Variants in HSPB7 observed in about 807,000 individuals in gnomAD.
The protein encoded by HSPB7 is heat shock protein beta-7.
A neutral mutation model predicts 11.0 loss-of-function variants in HSPB7; 9 were observed. The observed-to-expected ratio is 0.82, with a 90% confidence interval of 0.49 to 1.43. HSPB7 has a LOEUF of 1.43. HSPB7 is among the 40% of genes most tolerant of loss of function. The probability of loss-of-function intolerance (pLI) is 0.00; values close to 1 mark genes in which losing one functional copy is unlikely to be tolerated. For synonymous variants in HSPB7, 102 were observed against 101.6 expected (o/e 1.00, Z -0.02); for missense variants, 246 against 243.9 (o/e 1.01, Z -0.06).
chr1:16,018,764 A>G, upstream of HSPB7: 1 of 1,080,884 alleles, frequency 9.3e-7, no homozygotes, highest in South Asian at 3.3e-5. Flanking sequence ...CGAGCGCCTT[A>G]GGTGGGATTT....
chr1:16,017,340 C>T (rs1763596), intron 1 of HSPB7, 133 bp from the exon 2 acceptor site: 715,777 of 1,208,626 alleles, frequency 0.59, 214,477 homozygotes, highest in East Asian at 0.73. Context: ...TCTCCCTAAG[C>T]TCCTCCTCAT....
chr1:16,014,249 GACGAA>G lies in HSPB7; in HGVS notation c.*1326_*1330del, dbSNP rs1368380033. On this transcript the variant is annotated 3_prime_UTR_variant, in exon 3 of 3. Transcript: ENST00000311890. ...CTCCACCCTGCTTCTGTATGTGGGAGACGAAACCAAGAGTCATTGGGGGCAGCAGG... is the reference window on the plus strand; with the variant it reads ...CTCCACCCTGCTTCTGTATGTGGGAGACCAAGAGTCATTGGGGGCAGCAGG... 2.6e-5 allele frequency: 4 copies of G among 152,348 alleles called. No homozygotes were observed. Among genetic ancestry groups the G allele is most frequent in the African/African-American group, 9.7e-5 (4 of 41,444 alleles). 9.4% of individuals were successfully genotyped at this position (152,348 alleles called of 1,614,324 possible). A position where few individuals can be genotyped will look rare whatever the true frequency, so the allele number is the denominator to read the frequency against.
At chr1:16,017,418 C>T (rs1004743187) in intron 1 of HSPB7, 6 of 633,118 alleles carry the variant, frequency 9.5e-6, no homozygotes, top group African/African-American at 9.2e-5. Context: ...GTATATGAGG[C>T]TAGGTCTGTA....
At position 16,015,355 on chromosome 1, in the gene HSPB7, G is replaced by A. The variant is rs975556944; in HGVS notation, c.*225C>T. 1.8e-5 allele frequency: 10 copies of A among 547,370 alleles called. No individual in the cohort carries two copies. Among genetic ancestry groups the A allele is most frequent in the Non-Finnish European group, 2.3e-5 (7 of 306,548 alleles). 33.9% of individuals were successfully genotyped at this position (547,370 alleles called of 1,614,324 possible). ...GCCCCTGTACTCTGGATTAAGTGAC[G>A]GAGGCCAAATCTGAAATCTGGGCAT... On this transcript the variant is annotated 3_prime_UTR_variant, in exon 3 of 3. Coordinates refer to ENST00000311890, the MANE Select transcript of HSPB7 (RefSeq NM_014424.5). The surrounding 1 kb of genome is among the most constrained non-coding windows in gnomAD (Gnocchi z 4.9).
At chr1:16,018,620 G>A (rs879557184), upstream of HSPB7, 9 of 1,039,608 alleles carry the variant, frequency 8.7e-6, no homozygotes, top group Non-Finnish European at 1.0e-5. Flanking sequence ...TGGATTCTGT[G>A]CCTGCACTCC....
upstream of HSPB7, chr1:16,019,459 T>C: frequency 6.5e-7 from 1 of 1,548,986 alleles, no homozygotes; most frequent in Non-Finnish European, 8.7e-7. Context: ...AGGGTTCACC[T>C]GTCTCCCCAT....
In HSPB7 at chr1:16,017,058, G is replaced by A. The variant is rs2021781789; in HGVS notation, c.333+16C>T. The A allele has an allele frequency of 5.0e-6, 8 of 1,601,206 alleles. No individual in the cohort carries two copies. The highest frequency in any genetic ancestry group is 6.0e-6 in the Non-Finnish European group (7 of 1,169,330). On this transcript the variant is annotated intron_variant, in intron 2 of 2. Transcript: ENST00000311890. ...GCAGAATTTGGGATGCGGTGAGTAG[G>A]GGGTGGGGGGCTCACCTTCTCAGCC...
At chr1:16,016,022 A>G (rs966619753) in intron 2 of HSPB7, among the ~76,000 whole-genome samples, 4 of 152,184 alleles carry the variant, frequency 2.6e-5, no homozygotes, top group Non-Finnish European at 4.4e-5. Context: ...TTGGAGAGAG[A>G]GGAGGCTCCG....
upstream of HSPB7, chr1:16,018,186 C>A (rs1324496448): frequency 2.0e-6 from 3 of 1,519,872 alleles, no homozygotes; most frequent in Non-Finnish European, 1.8e-6. Flanking sequence ...CTGCTGACAG[C>A]CCGACACGCA....
upstream of HSPB7, chr1:16,018,064 G>A (rs747468368): frequency 4.0e-5 from 63 of 1,592,068 alleles, no homozygotes; most frequent in East Asian, 4.6e-5. Context: ...GACTGCGGCC[G>A]CTTTATAAGG....
Position 16,017,199 on chromosome 1 carries a change from C to G in HSPB7, c.208G>C (p.Gly70Arg). ...AGGGTCTTGATGTTGCCTGCCCCAC[C>G]GGGGCGGGCTGTGGGATGGGCTGCT... The part of the protein sequence containing the change: ...SEPLAFPARP[G>R]GAGNIKTLGD... The change falls in exon 2 of 3, where the codon GGT becomes CGT. Residue 70 changes from glycine (G) to arginine (R), a missense_variant. By Grantham distance (125) the Gly-to-Arg change is moderately radical (BLOSUM62 -2). Transcript: ENST00000311890. 6.2e-7 allele frequency: 1 copy of G among 1,612,884 alleles called. No individual in the cohort carries two copies. Among genetic ancestry groups the G allele is most frequent in the Non-Finnish European group, 8.5e-7 (1 of 1,179,080 alleles).
chr1:16,017,189 C>T lies in HSPB7; in HGVS notation c.218G>A (p.Gly73Asp). 4 of 1,613,312 alleles carry T rather than the reference C, an allele frequency of 2.5e-6. No homozygotes were observed. The highest frequency in any genetic ancestry group is 3.4e-6 in the Non-Finnish European group (4 of 1,179,360). Residue 73 changes from glycine to aspartate, a missense_variant, in exon 2 of 3, where the codon GGC (glycine) becomes GAC (aspartate). Coordinates refer to ENST00000311890, the MANE Select transcript of HSPB7 (RefSeq NM_014424.5). ...GGCGTCTCCTAGGGTCTTGATGTTG[C>T]CTGCCCCACCGGGGCGGGCTGTGGG... The part of the protein sequence containing the change: ...LAFPARPGGA[G>D]NIKTLGDAYE...
At chr1:16,019,133 C>A, upstream of HSPB7, 1 of 1,547,700 alleles carries the variant, frequency 6.5e-7, no homozygotes, top group Non-Finnish European at 8.7e-7. Context: ...CTGGGACTGA[C>A]CTTGCCCTGG....
chr1:16,017,287 G>T, intron 1 of HSPB7, 80 bp from the exon 2 acceptor site: 2 of 1,556,766 alleles, frequency 1.3e-6, no homozygotes, highest in Non-Finnish European at 1.7e-6. Flanking sequence ...TTCTCTTGGG[G>T]CAAGGGGCGG....
upstream of HSPB7, chr1:16,018,482 C>G (rs560116320): frequency 1.8e-6 from 2 of 1,119,614 alleles, no homozygotes; most frequent in Non-Finnish European, 1.1e-6. Flanking sequence ...GAAGCACCAC[C>G]GCTCTGTGAC....
At chr1:16,018,448 G>A (rs796607767), upstream of HSPB7, 4 of 1,153,362 alleles carry the variant, frequency 3.5e-6, no homozygotes, top group South Asian at 7.1e-5. Context: ...TCAGTGTGCA[G>A]GCTCCTTGGG....
Position 16,014,104 on chromosome 1 carries a change from C to G in HSPB7, c.*1476G>C, listed in dbSNP as rs2073185857. Reference sequence around the variant, plus strand: ...CCCACGGCCCCCTCCCCAGTCCTCCCCCAAGGGGCCCAGAGTGGTGGGAGT... The same window carrying G: ...CCCACGGCCCCCTCCCCAGTCCTCCGCCAAGGGGCCCAGAGTGGTGGGAGT... On this transcript the variant is annotated 3_prime_UTR_variant, in exon 3 of 3. Transcript: ENST00000311890. The G allele has an allele frequency of 1.3e-5, 2 of 152,518 alleles. No homozygotes were observed. The highest frequency in any genetic ancestry group is 6.5e-5 in the Admixed American group (1 of 15,280). The allele number at this position is 152,518 out of a possible 1,614,324, so 9.4% of individuals were successfully genotyped here. A position where few individuals can be genotyped will look rare whatever the true frequency, so the allele number is the denominator to read the frequency against.
In HSPB7 at chr1:16,014,353, C is replaced by G. The variant is rs1017108070; in HGVS notation, c.*1227G>C. On this transcript the variant is annotated 3_prime_UTR_variant, in exon 3 of 3. Coordinates refer to ENST00000311890, the MANE Select transcript of HSPB7 (RefSeq NM_014424.5). ...ATGGGGGCTTTTCCTATGACTCCCC[C>G]CCATCCCCCAGCTGGAAGACGTGGG... 151 of 152,304 alleles carry G rather than the reference C, an allele frequency of 9.9e-4. 1 individual carries two copies. Among genetic ancestry groups the G allele is most frequent in the Non-Finnish European group, 1.9e-3 (131 of 68,048 alleles). 9.4% of individuals were successfully genotyped at this position (152,304 alleles called of 1,614,324 possible). A position where few individuals can be genotyped will look rare whatever the true frequency, so the allele number is the denominator to read the frequency against.
chr1:16,016,156 C>T lies in HSPB7; in HGVS notation c.334-397G>A, dbSNP rs570650038. 2.0e-5 allele frequency among the ~76,000 whole-genome samples: 3 copies of T among 152,368 alleles called. No homozygotes were observed. In the East Asian group the frequency reaches 5.8e-4, roughly 29 times the overall value. On this transcript the variant is annotated intron_variant, in intron 2 of 2. Coordinates refer to ENST00000311890, the MANE Select transcript of HSPB7 (RefSeq NM_014424.5). ...CAGGGCTGAGCGCCGGCCCCTCCCCCGCAACTCAGCCAGCACATAGTGTCC... is the reference window on the plus strand; with the variant it reads ...CAGGGCTGAGCGCCGGCCCCTCCCCTGCAACTCAGCCAGCACATAGTGTCC...
Sources: allele counts gnomAD v4.1 joint callset (sites outside exome capture counted in the v4.1 genomes callset), GRCh38; gene constraint gnomAD v4.1.1; non-coding constraint Gnocchi (gnomAD v3.1); transcripts MANE v1.5; gene names NCBI Gene and HGNC (gene_info 2026-07-23, HGNC 2026-07-21).